ARHGAP15: variants seen among roughly 807,000 people sequenced by gnomAD.
The protein encoded by ARHGAP15 is rho GTPase-activating protein 15.
A neutral mutation model predicts 63.7 loss-of-function variants in ARHGAP15; 51 were observed. The ratio of observed to expected loss-of-function variants is 0.80; its 90% confidence interval spans 0.64 to 1.01. ARHGAP15 has a LOEUF of 1.01. Among genes scored for constraint, ARHGAP15 ranks in the 50% least tolerant of loss-of-function variants. ARHGAP15 has a pLI of 0.00. For synonymous variants in ARHGAP15, 191 were observed against 193.8 expected, an observed-to-expected ratio of 0.99 and a Z score of 0.12; for missense variants, 560 against 564.6, an observed-to-expected ratio of 0.99 and a Z score of 0.08.
At position 143,604,948 on chromosome 2, in the gene ARHGAP15, G is replaced by A. The variant is rs547606694; in HGVS notation, c.1004-19185G>A. 3.9e-5 allele frequency among the ~76,000 whole-genome samples: 6 copies of A among 152,046 alleles called. No homozygotes were observed. In the South Asian group the frequency reaches 1.0e-3, roughly 26 times the overall value. ...TTTTTTGAGACAGTCTCACTCTGTC[G>A]CTCAGGCTGGAGGGCAATAGAGCAA... On this transcript the variant is annotated intron_variant, in intron 11 of 13. Coordinates refer to ENST00000295095, the MANE Select transcript of ARHGAP15 (RefSeq NM_018460.4).
intron 8 of ARHGAP15, among the ~76,000 whole-genome samples, chr2:143,450,679 G>GA (rs1423386790): frequency 6.6e-6 from 1 of 151,722 alleles, no homozygotes; most frequent in South Asian, 2.1e-4. Context: ...CAACTTTATA[G>GA]AAAATCAGAG....
At chr2:143,552,803 A>G (rs1695629398) in intron 10 of ARHGAP15, among the ~76,000 whole-genome samples, 1 of 152,216 alleles carries the variant, frequency 6.6e-6, no homozygotes, top group South Asian at 2.1e-4. Flanking sequence ...TATTTTTAGC[A>G]TAACAGGCAA....
At chr2:143,376,460 C>T (rs942152322) in intron 6 of ARHGAP15, among the ~76,000 whole-genome samples, 10 of 152,078 alleles carry the variant, frequency 6.6e-5, no homozygotes, top group Non-Finnish European at 1.0e-4. Context: ...GTGTAGAAAA[C>T]GAAGCTTCCA....
chr2:143,368,587 C>T (rs1293482731), intron 6 of ARHGAP15, among the ~76,000 whole-genome samples: 1 of 151,914 alleles, frequency 6.6e-6, no homozygotes, highest in Non-Finnish European at 1.5e-5. Flanking sequence ...AACACCACAG[C>T]CACTTAGAGT....
chr2:143,698,975 T>A (rs1683967736), intron 12 of ARHGAP15, among the ~76,000 whole-genome samples: 1 of 152,146 alleles, frequency 6.6e-6, no homozygotes, highest in Admixed American at 6.6e-5. Flanking sequence ...GGAGAAATAT[T>A]AATAGAAAAT....
At chr2:143,308,342 A>G (rs1683272731) in intron 6 of ARHGAP15, among the ~76,000 whole-genome samples, 1 of 152,126 alleles carries the variant, frequency 6.6e-6, no homozygotes, top group Non-Finnish European at 1.5e-5. Flanking sequence ...TTGTAGCCAG[A>G]AAGAACCACC....
chr2:143,165,467 C>T (rs1158251392), intron 2 of ARHGAP15, among the ~76,000 whole-genome samples: 2 of 151,964 alleles, frequency 1.3e-5, no homozygotes, highest in Non-Finnish European at 2.9e-5. Context: ...CACAAAGTGA[C>T]CCAATATAGG....
At chr2:143,766,841 C>T (rs574583137) in intron 13 of ARHGAP15, 1 of 152,166 alleles carries the variant, frequency 6.6e-6, no homozygotes, top group African/African-American at 2.4e-5. Flanking sequence ...TGGAGAATAT[C>T]CCCCGAAGAT....
At chr2:143,294,561 C>T (rs1487229164) in intron 6 of ARHGAP15, among the ~76,000 whole-genome samples, 3 of 152,032 alleles carry the variant, frequency 2.0e-5, no homozygotes. Flanking sequence ...GCTTCTAAGA[C>T]CACTGTTTCT....
chr2:143,375,462 G>T (rs1686765707), intron 6 of ARHGAP15, among the ~76,000 whole-genome samples: 1 of 152,134 alleles, frequency 6.6e-6, no homozygotes, highest in African/African-American at 2.4e-5. Flanking sequence ...TCACAGTTCT[G>T]CCAAGCACTT....
At chr2:143,522,890 G>T (rs1328629480) in intron 10 of ARHGAP15, among the ~76,000 whole-genome samples, 1 of 152,104 alleles carries the variant, frequency 6.6e-6, no homozygotes. Context: ...AGTTTATGAT[G>T]ACGTCATATG....
intron 9 of ARHGAP15, among the ~76,000 whole-genome samples, chr2:143,487,718 G>A (rs3795872): frequency 0.19 from 28,806 of 151,974 alleles, 3,334 homozygotes; most frequent in East Asian, 0.48. Flanking sequence ...ACCTAGTTTT[G>A]CCCACAGAGG....
intron 6 of ARHGAP15, among the ~76,000 whole-genome samples, chr2:143,287,199 TA>T (rs2105103820): frequency 6.6e-6 from 1 of 152,200 alleles, no homozygotes; most frequent in East Asian, 1.9e-4. Context: ...ATTTGACTAA[TA>T]ACAAAATAAA....
intron 12 of ARHGAP15, among the ~76,000 whole-genome samples, chr2:143,663,850 C>T: frequency 1.3e-5 from 2 of 152,142 alleles, no homozygotes. Flanking sequence ...GGGATCAATT[C>T]AACAAGAAGA....
chr2:143,141,932 A>G (rs1689387058), intron 1 of ARHGAP15, among the ~76,000 whole-genome samples: 1 of 152,092 alleles, frequency 6.6e-6, no homozygotes, highest in Admixed American at 6.6e-5. Flanking sequence ...ATAAGTGGGT[A>G]GGAGAGGACC....
At chr2:143,654,425 T>C (rs1681329483) in intron 12 of ARHGAP15, among the ~76,000 whole-genome samples, 1 of 152,184 alleles carries the variant, frequency 6.6e-6, no homozygotes, top group Non-Finnish European at 1.5e-5. Flanking sequence ...TAATGTTTCA[T>C]TATCAGGTAT....
chr2:143,465,711 G>GT lies in ARHGAP15; in HGVS notation c.704-21652dup, dbSNP rs879322360. On this transcript the variant is annotated intron_variant, in intron 8 of 13. Coordinates refer to ENST00000295095, the MANE Select transcript of ARHGAP15 (RefSeq NM_018460.4). ...GATGCTAATAAAGCAAGAAAAATAAGTTTTTTTTTTCTTTTCATCACTACT... is the reference window on the plus strand; with the variant it reads ...GATGCTAATAAAGCAAGAAAAATAAGTTTTTTTTTTTCTTTTCATCACTACT... Among the ~76,000 whole-genome samples, 361 of 129,812 alleles carry GT rather than the reference G, an allele frequency of 2.8e-3. 2 individuals are homozygous for GT. Among genetic ancestry groups the GT allele is most frequent in the African/African-American group, 7.2e-3 (252 of 35,028 alleles). 85.2% of individuals were successfully genotyped at this position (129,812 alleles called of 152,430 possible). A position where few individuals can be genotyped will look rare whatever the true frequency, so the allele number is the denominator to read the frequency against.
At chr2:143,322,882 A>G (rs1325439884) in intron 6 of ARHGAP15, among the ~76,000 whole-genome samples, 2 of 152,238 alleles carry the variant, frequency 1.3e-5, no homozygotes, top group Non-Finnish European at 2.9e-5. Context: ...TTCCATTTGC[A>G]ATGATATGAA....
chr2:143,669,852 G>A (rs1336522713), intron 12 of ARHGAP15, among the ~76,000 whole-genome samples: 2 of 152,174 alleles, frequency 1.3e-5, no homozygotes, highest in African/African-American at 4.8e-5. Flanking sequence ...CAGTATGGAG[G>A]GAGCCAGGAT....
Sources: allele counts gnomAD v4.1 joint callset (sites outside exome capture counted in the v4.1 genomes callset), GRCh38; gene constraint gnomAD v4.1.1; transcripts MANE v1.5; gene names NCBI Gene and HGNC (gene_info 2026-07-23, HGNC 2026-07-21).